The following CNKSR3 variants were observed in gnomAD, a reference collection of about 807,000 sequenced individuals.
CNKSR3 encodes connector enhancer of kinase suppressor of ras 3.
CNKSR3 carries 36 observed loss-of-function variants against 67.7 expected under a neutral mutation model. The ratio of observed to expected loss-of-function variants is 0.53; its 90% CI spans 0.41 to 0.70. The LOEUF is 0.70. Among genes scored for constraint, CNKSR3 ranks in the 30% least tolerant of loss-of-function variants. CNKSR3 has a pLI of 0.00. For synonymous variants in CNKSR3, 281 were observed against 271.4 expected (o/e 1.04, Z -0.35); for missense variants, 630 against 695.2 (o/e 0.91, Z 1.05).
chr6:154,475,335 C>T (rs796633415), intron 1 of CNKSR3, among the ~76,000 whole-genome samples: 11 of 152,202 alleles, frequency 7.2e-5, no homozygotes, highest in African/African-American at 2.2e-4. Context: ...TCCCCCTGGG[C>T]GCCCTTCCCT....
chr6:154,442,235 G>T lies in CNKSR3; in HGVS notation c.272C>A (p.Ser91Tyr). Residue 91 changes from serine (S) to tyrosine (Y), a missense_variant, in exon 3 of 13, where the codon TCT (serine) becomes TAT (tyrosine). Physicochemically the swap from Ser to Tyr is moderately radical, Grantham distance 144 (BLOSUM62 -2). Coordinates refer to ENST00000607772, the MANE Select transcript of CNKSR3 (RefSeq NM_173515.4). Reference sequence around the variant, plus strand: ...TATGTAATTCTGTAAATTGTGGGAAGATGCTCTCAGTTTCAGAACCAAGTT... The same window carrying T: ...TATGTAATTCTGTAAATTGTGGGAATATGCTCTCAGTTTCAGAACCAAGTT... ...MKNLVLKLRA[S>Y]SHNLQNYISS... 6.2e-7 allele frequency: 1 copy of T among 1,614,188 alleles called. No individual in the cohort carries two copies. The highest frequency in any genetic ancestry group is 8.5e-7 in the Non-Finnish European group (1 of 1,179,998).
intron 1 of CNKSR3, among the ~76,000 whole-genome samples, chr6:154,502,327 G>C (rs1002823947): frequency 1.1e-4 from 17 of 151,408 alleles, no homozygotes; most frequent in African/African-American, 2.9e-4. Context: ...GAGTAGCTGG[G>C]ATTACAGGTG....
chr6:154,422,507 T>C lies in CNKSR3; in HGVS notation c.944A>G (p.Gln315Arg), dbSNP rs1448188341. The C allele has an allele frequency of 1.9e-6, 3 of 1,613,932 alleles. No homozygotes were observed. In the African/African-American group the frequency reaches 4.0e-5, roughly 22 times the overall value. ...AGGTTTACAGTTAATCCCAGATACC[T>C]GTACAAGAGGTGGCTTCCACCGTAG... ...KNLRWKPPLVQTSPPPATTQS... is the reference protein window; with the variant it reads ...KNLRWKPPLVRTSPPPATTQS... The change falls in exon 9 of 13, where the codon CAG becomes CGG. Residue 315 changes from glutamine to arginine, a missense_variant and splice_region_variant. Physicochemically the swap from Gln to Arg is conservative, Grantham distance 43. This residue lies in a region of CNKSR3 where 133 missense variants were observed against 190.6 expected (regional missense o/e 0.70). Transcript: ENST00000607772.
chr6:154,491,815 G>A (rs1786789186), intron 1 of CNKSR3, among the ~76,000 whole-genome samples: 2 of 152,206 alleles, frequency 1.3e-5, no homozygotes, highest in South Asian at 2.1e-4. Context: ...CTGTTACCCA[G>A]TTCAGGGAGG....
rs1785239933 is a variant in CNKSR3, at chr6:154,425,654, G to A, written c.729+2474C>T. On this transcript the variant is annotated intron_variant, in intron 7 of 12. Transcript: ENST00000607772. ...AAGGTCTAAAATAACATCAAAAAAA[G>A]AAATAAGAGAAACATCAGACACTGC... is the stretch of plus-strand genomic sequence containing the variant. Among the ~76,000 whole-genome samples the A allele has an allele frequency of 2.6e-5, 4 of 152,012 alleles. No individual in the cohort carries two copies. In the South Asian group the frequency reaches 8.3e-4, roughly 32 times the overall value.
At position 154,400,556 on chromosome 6, in the gene CNKSR3, T is replaced by C. The variant is rs1784705758; in HGVS notation, c.*5798A>G. 1 of 152,208 alleles carries C rather than the reference T, an allele frequency of 6.6e-6. No individual in the cohort carries two copies. The highest frequency in any genetic ancestry group is 1.5e-5 in the Non-Finnish European group (1 of 68,032). 9.4% of individuals were successfully genotyped at this position (152,208 alleles called of 1,614,324 possible). On this transcript the variant is annotated 3_prime_UTR_variant, in exon 13 of 13. Coordinates refer to ENST00000607772, the MANE Select transcript of CNKSR3 (RefSeq NM_173515.4). ...GCTGTGTAGCATTTTTTGTTGCTTA[T>C]AGACAAAATTTCTCTCCTCTATCCA...
Position 154,497,099 on chromosome 6 carries a change from C to A in CNKSR3, c.52+12964G>T, listed in dbSNP as rs577111341. ...GCCCTTAAAGAATCGTGATAAAGGC[C>A]AGGCGCGGTGGCTCACTCCTGCAAT... On this transcript the variant is annotated intron_variant, in intron 1 of 12. Transcript: ENST00000607772. Among the ~76,000 whole-genome samples the A allele has an allele frequency of 5.9e-5, 9 of 152,172 alleles. No homozygotes were observed. The East Asian group carries it at 1.7e-3, about 29-fold the overall frequency.
intron 1 of CNKSR3, among the ~76,000 whole-genome samples, chr6:154,502,975 G>A (rs970212578): frequency 2.0e-5 from 3 of 152,172 alleles, no homozygotes; most frequent in Non-Finnish European, 4.4e-5. Context: ...GGGAATGCAC[G>A]AAGGAGCCGG....
chr6:154,459,820 G>A (rs1196595253), intron 1 of CNKSR3, among the ~76,000 whole-genome samples: 1 of 152,224 alleles, frequency 6.6e-6, no homozygotes, highest in Non-Finnish European at 1.5e-5. Context: ...AGTAAAAATA[G>A]AAGGAATACC....
At chr6:154,448,232 C>T (rs970952635) in intron 2 of CNKSR3, among the ~76,000 whole-genome samples, 4 of 152,130 alleles carry the variant, frequency 2.6e-5, no homozygotes, top group Admixed American at 6.5e-5. Context: ...GCAGCTGTTA[C>T]GTTTATCATC....
At chr6:154,482,678 T>C (rs892894126) in intron 1 of CNKSR3, among the ~76,000 whole-genome samples, 1 of 152,182 alleles carries the variant, frequency 6.6e-6, no homozygotes, top group African/African-American at 2.4e-5. Context: ...TTCCAGAAGG[T>C]GCTGACCCCC....
rs748246477 is a variant in CNKSR3 at position 154,422,668 on chromosome 6, A to G, written c.799-16T>C. The G allele has an allele frequency of 1.9e-6, 3 of 1,612,424 alleles. No individual in the cohort carries two copies. The highest frequency in any genetic ancestry group is 2.5e-6 in the Non-Finnish European group (3 of 1,179,594). The stretch of plus-strand genomic sequence containing the variant: ...GCCATCCCACCTTCAAAGAAAGCAA[A>G]TGGGGAGGGAAGACTTGCTCATGAA... On this transcript the variant is annotated splice_polypyrimidine_tract_variant and intron_variant, in intron 8 of 12. Transcript: ENST00000607772.
intron 12 of CNKSR3, among the ~76,000 whole-genome samples, chr6:154,408,565 A>T (rs953879310): frequency 2.6e-5 from 4 of 152,238 alleles, no homozygotes; most frequent in Non-Finnish European, 5.9e-5. Flanking sequence ...AAGTCTATTT[A>T]TATGAAATGT....
intron 2 of CNKSR3, among the ~76,000 whole-genome samples, chr6:154,444,807 A>G (rs1785674204): frequency 6.6e-6 from 1 of 152,014 alleles, no homozygotes; most frequent in South Asian, 2.1e-4. Context: ...GGGTTTCACC[A>G]TGTTGGCCAG....
At chr6:154,468,887 G>A (rs1786266225) in intron 1 of CNKSR3, among the ~76,000 whole-genome samples, 1 of 152,190 alleles carries the variant, frequency 6.6e-6, no homozygotes. Flanking sequence ...TGGGCATAAT[G>A]GCTCATGCCT....
intron 1 of CNKSR3, among the ~76,000 whole-genome samples, chr6:154,457,014 C>T (rs1331287875): frequency 1.3e-5 from 2 of 152,136 alleles, no homozygotes; most frequent in Non-Finnish European, 2.9e-5. Context: ...ATTCCCAATA[C>T]TTTGAAAAAC....
At chr6:154,408,047 C>T (rs370526365) in intron 12 of CNKSR3, among the ~76,000 whole-genome samples, 8 of 151,420 alleles carry the variant, frequency 5.3e-5, no homozygotes, top group East Asian at 3.9e-4. Context: ...TTTTTTGAGA[C>T]GGAGTCTCAC....
intron 1 of CNKSR3, among the ~76,000 whole-genome samples, chr6:154,469,352 C>T (rs1399339861): frequency 2.6e-5 from 4 of 152,098 alleles, no homozygotes; most frequent in Non-Finnish European, 5.9e-5. Flanking sequence ...CCATCATCAT[C>T]GCATATGAAT....
At chr6:154,417,200 T>C (rs935570298) in intron 9 of CNKSR3, among the ~76,000 whole-genome samples, 5 of 152,224 alleles carry the variant, frequency 3.3e-5, no homozygotes, top group African/African-American at 1.2e-4. Context: ...TGCTTCTCCC[T>C]AGCCTTGCTG....
Sources: allele counts gnomAD v4.1 joint callset (sites outside exome capture counted in the v4.1 genomes callset), GRCh38; gene constraint gnomAD v4.1.1; regional missense constraint gnomAD v4.1.1; transcripts MANE v1.5; gene names NCBI Gene and HGNC (gene_info 2026-07-23, HGNC 2026-07-21).